USP9X: variants seen among roughly 807,000 people sequenced by gnomAD.
The protein encoded by USP9X is ubiquitin specific peptidase 9 X-linked.
A neutral mutation model predicts 190.3 loss-of-function variants in USP9X; 7 were observed. The ratio of observed to expected loss-of-function variants is 0.04; its 90% CI spans 0.02 to 0.07. The LOEUF is 0.07. USP9X is among the 10% of genes least tolerant of loss of function. The pLI, the probability that USP9X is intolerant of heterozygous loss-of-function variation, is 1.00. For missense variants in USP9X, 1,010 were observed against 1,916.9 expected (o/e 0.53, Z 8.83); for synonymous variants, 645 against 659.5 (o/e 0.98, Z 0.34).
intron 2 of USP9X, 131 bp downstream of exon 2, chrX:41,123,855 C>G: frequency 1.7e-6 from 1 of 577,146 alleles, no homozygotes; most frequent in Non-Finnish European, 2.7e-6. Flanking sequence ...CCAGCCTGGT[C>G]AACAGGGTGG....
In USP9X at chrX:41,184,385, CTA is replaced by C. The variant is rs2062855118; in HGVS notation, c.3280-10_3280-9del. 1.7e-6 allele frequency: 2 copies of C among 1,202,318 alleles called. No homozygotes were observed. Among genetic ancestry groups the C allele is most frequent in the African/African-American group, 1.8e-5 (1 of 56,734 alleles). On this transcript the variant is annotated splice_polypyrimidine_tract_variant and intron_variant, in intron 22 of 44. Coordinates refer to ENST00000378308, the MANE Select transcript of USP9X (RefSeq NM_001039591.3). ...TAATACAGCCCTCTCCCCCTCTTCTCTATTTTTCCAGGTAGTCTATGCCTTGT... is the reference window on the plus strand; with the variant it reads ...TAATACAGCCCTCTCCCCCTCTTCTCTTTTTCCAGGTAGTCTATGCCTTGT...
In USP9X at chrX:41,218,590, C is replaced by T; in HGVS notation, c.6428C>T (p.Ser2143Phe). The T allele has an allele frequency of 4.2e-6, 5 of 1,202,215 alleles. No individual in the cohort carries two copies. Among genetic ancestry groups the T allele is most frequent in the Non-Finnish European group, 5.6e-6 (5 of 887,367 alleles). ...CPSPFASPGP[S>F]SQAYDNLSLS... ...TCACCTTTTGCCTCTCCTGGACCTTCTAGTCAGGTAATTGCACAGCTTTCT... is the reference window on the plus strand; with the variant it reads ...TCACCTTTTGCCTCTCCTGGACCTTTTAGTCAGGTAATTGCACAGCTTTCT... Residue 2143 changes from serine (S) to phenylalanine (F), a missense_variant, in exon 37 of 45, where the codon TCT becomes TTT. By Grantham distance (155) the Ser-to-Phe change is radical (BLOSUM62 -2). Around this residue, in one of 11 missense-constraint regions of USP9X, gnomAD observed 121 missense variants for 281.2 expected, o/e 0.43. Coordinates refer to ENST00000378308, the MANE Select transcript of USP9X (RefSeq NM_001039591.3).
rs2302380 is a variant in USP9X, at chrX:41,152,849, G to T, written c.1764-99G>T. ...AAATGTACAAAAGTATAATTTTTAAGTTTTTACATCAGTAGCTAAGAATTT... is the reference window on the plus strand; with the variant it reads ...AAATGTACAAAAGTATAATTTTTAATTTTTTACATCAGTAGCTAAGAATTT... On this transcript the variant is annotated intron_variant, in intron 13 of 44. Transcript: ENST00000378308. 0.19 allele frequency: 173,772 copies of T among 915,382 alleles called. 12,403 individuals carry two copies. The highest frequency in any genetic ancestry group is 0.29 in the Admixed American group (7,471 of 25,694). 75.4% of individuals were successfully genotyped at this position (915,382 alleles called of 1,213,427 possible).
At position 41,187,974 on chromosome X, in the gene USP9X, T is replaced by C. The variant is rs183105924; in HGVS notation, c.3685-18T>C. 1 of 1,199,075 alleles carries C rather than the reference T, an allele frequency of 8.3e-7. No homozygotes were observed. The highest frequency in any genetic ancestry group is 2.2e-5 in the Admixed American group (1 of 44,862). The stretch of plus-strand genomic sequence containing the variant: ...ACTCTCATTCTATCAACAGTTCTAT[T>C]TACTCGTTATCTTGCAGGCTTCAAG... On this transcript the variant is annotated intron_variant, in intron 24 of 44. Coordinates refer to ENST00000378308, the MANE Select transcript of USP9X (RefSeq NM_001039591.3).
chrX:41,201,999 C>T (rs1472143355), intron 31 of USP9X, among the ~76,000 whole-genome samples: 1 of 111,975 alleles, frequency 8.9e-6, no homozygotes, highest in Admixed American at 9.4e-5. Flanking sequence ...TTAATGTACT[C>T]GTGTTTTTTT....
At chrX:41,113,740 GA>G (rs749084453) in intron 1 of USP9X, among the ~76,000 whole-genome samples, 1 of 110,115 alleles carries the variant, frequency 9.1e-6, no homozygotes, top group Non-Finnish European at 1.9e-5. Context: ...GTGACAATTT[GA>G]AAAAAACAGG....
chrX:41,224,623 G>A (rs1340568727), intron 39 of USP9X, 119 bp from the exon 40 acceptor site: 28 of 625,777 alleles, frequency 4.5e-5, no homozygotes, highest in Non-Finnish European at 6.4e-5. Flanking sequence ...GCGACAGAGC[G>A]AGACTCCATC....
At chrX:41,086,515 C>G (rs7878345) in intron 1 of USP9X, among the ~76,000 whole-genome samples, 15,110 of 111,983 alleles carry the variant, frequency 0.13, 906 homozygotes, top group East Asian at 0.22. Context: ...GGCCGCTTTC[C>G]TACCCGGTCT....
chrX:41,139,761 A>AT (rs934768896), intron 6 of USP9X, among the ~76,000 whole-genome samples: 17 of 109,947 alleles, frequency 1.5e-4, no homozygotes, highest in Admixed American at 5.8e-4. Context: ...TTTTTCCTGT[A>AT]TTTTTTTTTT....
chrX:41,121,392 C>A (rs1315689459), intron 1 of USP9X, among the ~76,000 whole-genome samples: 1 of 111,497 alleles, frequency 9.0e-6, no homozygotes, highest in Admixed American at 9.6e-5. Context: ...AGATAATACT[C>A]AATTTCTGTG....
intron 1 of USP9X, among the ~76,000 whole-genome samples, chrX:41,121,282 T>C (rs976118514): frequency 9.0e-6 from 1 of 111,561 alleles, no homozygotes; most frequent in African/African-American, 3.3e-5. Flanking sequence ...GATAGAGAAC[T>C]TGAAGAGGAA....
At position 41,085,568 on chromosome X, in the gene USP9X, C is replaced by T. The variant is rs939653425; in HGVS notation, c.-700C>T. On this transcript the variant is annotated 5_prime_UTR_variant, in exon 1 of 45. Transcript: ENST00000378308. ...GTCAGGGCCTCTGTCGCGCCTAGCC[C>T]CTCCCCGCCTTACACAGCTCCCGGG... The T allele has an allele frequency of 1.9e-5, 5 of 261,010 alleles. No homozygotes were observed. Among genetic ancestry groups the T allele is most frequent in the African/African-American group, 5.7e-5 (2 of 35,224 alleles). The allele number at this position is 261,010 out of a possible 1,213,427, so 21.5% of individuals were successfully genotyped here. A position where few individuals can be genotyped will look rare whatever the true frequency, so the allele number is the denominator to read the frequency against.
intron 15 of USP9X, among the ~76,000 whole-genome samples, chrX:41,164,816 CCTA>C (rs2062664891): frequency 1.8e-5 from 2 of 111,958 alleles, no homozygotes; most frequent in Middle Eastern, 4.6e-3. Flanking sequence ...CTGTGCTCTT[CCTA>C]TTAGACCGGT....
intron 10 of USP9X, among the ~76,000 whole-genome samples, 199 bp downstream of exon 10, chrX:41,143,642 T>A (rs758681610): frequency 8.9e-6 from 1 of 112,061 alleles, no homozygotes; most frequent in African/African-American, 3.2e-5. Context: ...TTATCTGTAT[T>A]TGATAAAGGT....
intron 21 of USP9X, among the ~76,000 whole-genome samples, chrX:41,183,280 A>C: frequency 9.0e-6 from 1 of 110,884 alleles, no homozygotes; most frequent in South Asian, 3.7e-4. Flanking sequence ...CTTAAAAAAA[A>C]AAAAAAAAAT....
chrX:41,097,837 A>G (rs1296804980), intron 1 of USP9X, among the ~76,000 whole-genome samples: 1 of 111,470 alleles, frequency 9.0e-6, no homozygotes, highest in Non-Finnish European at 1.9e-5. Context: ...TTAAGAAAAC[A>G]ATTTTGACCT....
intron 36 of USP9X, among the ~76,000 whole-genome samples, chrX:41,217,874 A>G (rs2063226838): frequency 8.9e-6 from 1 of 112,000 alleles, no homozygotes; most frequent in Admixed American, 9.5e-5. Context: ...TGGGCAGCAG[A>G]GCAAGACCCT....
At chrX:41,169,708 G>T (rs934443828) in intron 18 of USP9X, among the ~76,000 whole-genome samples, 1 of 111,095 alleles carries the variant, frequency 9.0e-6, no homozygotes, top group Non-Finnish European at 1.9e-5. Context: ...CACCCGCCTC[G>T]GCCTCCCAAA....
chrX:41,190,477 G>A (rs1308823385), intron 26 of USP9X, among the ~76,000 whole-genome samples: 1 of 111,208 alleles, frequency 9.0e-6, no homozygotes, highest in African/African-American at 3.3e-5. Context: ...CGGGTTGGGC[G>A]TGCTACCTCC....
Sources: gnomAD v4.1 joint callset for allele counts (sites outside exome capture counted in the v4.1 genomes callset) on GRCh38, gnomAD v4.1.1 for gene constraint, gnomAD v4.1.1 regional missense constraint, MANE v1.5 for transcripts, NCBI Gene and HGNC (gene_info 2026-07-23, HGNC 2026-07-21) for gene names.